DICER1: variants seen among roughly 807,000 people sequenced by gnomAD.
DICER1 encodes the protein endoribonuclease Dicer.
In DICER1, 43 loss-of-function variants were observed where a neutral mutation model predicts 194.1. The ratio of observed to expected loss-of-function variants is 0.22; its 90% CI spans 0.17 to 0.29. The LOEUF (loss-of-function observed/expected upper bound fraction) is 0.29. Ranked by LOEUF, DICER1 falls within the 10% of genes least tolerant of loss-of-function variation. The pLI is 1.00. For missense variants in DICER1, 1,608 were observed against 2,317.0 expected, an observed-to-expected ratio of 0.69 and a Z score of 6.28; for synonymous variants, 832 against 820.5, an observed-to-expected ratio of 1.01 and a Z score of -0.24.
chr14:95,129,171 G>GA (rs1893732662), intron 6 of DICER1: 31 of 331,942 alleles, frequency 9.3e-5, no homozygotes, highest in East Asian at 2.9e-4. Flanking sequence ...CATATTGACA[G>GA]AAAAAAAATA....
At chr14:95,111,580 T>C in intron 13 of DICER1, 124 bp from the exon 14 acceptor site, 1 of 1,071,492 alleles carries the variant, frequency 9.3e-7, no homozygotes, top group Non-Finnish European at 1.4e-6. Context: ...ACCTTTGCCT[T>C]TTACAATTTA....
chr14:95,133,027 T>C (rs892632567), intron 2 of DICER1, among the ~76,000 whole-genome samples: 1 of 152,124 alleles, frequency 6.6e-6, no homozygotes, highest in African/African-American at 2.4e-5. Flanking sequence ...CTAATCTAGG[T>C]TCCTACCCAG....
intron 1 of DICER1, among the ~76,000 whole-genome samples, chr14:95,146,383 C>CT (rs1251179637): frequency 2.6e-5 from 4 of 152,082 alleles, no homozygotes; most frequent in Admixed American, 6.5e-5. Context: ...GTGCTTTTAA[C>CT]TTTTTTTTGC....
chr14:95,090,350 G>C lies in DICER1; in HGVS notation c.*148C>G. The stretch of plus-strand genomic sequence containing the variant: ...ATACATATGTTAAATGTTTTATTCT[G>C]TTATCTATCCTGTTATCAACCAAAC... On this transcript the variant is annotated 3_prime_UTR_variant, in exon 27 of 27. Coordinates refer to ENST00000343455, the MANE Select transcript of DICER1 (RefSeq NM_177438.3). 1.2e-6 allele frequency: 1 copy of C among 856,612 alleles called. No individual in the cohort carries two copies. The highest frequency in any genetic ancestry group is 1.9e-6 in the Non-Finnish European group (1 of 539,928). 53.1% of individuals were successfully genotyped at this position (856,612 alleles called of 1,614,324 possible). A position where few individuals can be genotyped will look rare whatever the true frequency, so the allele number is the denominator to read the frequency against.
rs949269719 is a variant in DICER1 at position 95,088,463 on chromosome 14, C to G, written c.*2035G>C. The G allele has an allele frequency of 1.3e-5, 3 of 232,374 alleles. No homozygotes were observed. The highest frequency in any genetic ancestry group is 2.6e-5 in the Non-Finnish European group (3 of 117,412). The allele number at this position is 232,374 out of a possible 1,614,324, so 14.4% of individuals were successfully genotyped here. A position where few individuals can be genotyped will look rare whatever the true frequency, so the allele number is the denominator to read the frequency against. On this transcript the variant is annotated 3_prime_UTR_variant, in exon 27 of 27. Coordinates refer to ENST00000343455, the MANE Select transcript of DICER1 (RefSeq NM_177438.3). Reference sequence around the variant, plus strand: ...TGTGATTAAACTTGATCACAAATCACCCTCAGAATAAAATTCACATCCAGC... The same window carrying G: ...TGTGATTAAACTTGATCACAAATCAGCCTCAGAATAAAATTCACATCCAGC...
At position 95,131,626 on chromosome 14, in the gene DICER1, A is replaced by G. The variant is rs1595463300; in HGVS notation, c.321T>C (p.Ala107=). 1 of 1,613,976 alleles carries G rather than the reference A, an allele frequency of 6.2e-7. No homozygotes were observed. ...GAGTTCTGACAGCTGACACTTGTTGAGCAACCTGGTTTGCTAATTACAAAT... is the reference window on the plus strand; with the variant it reads ...GAGTTCTGACAGCTGACACTTGTTGGGCAACCTGGTTTGCTAATTACAAAT... ...VFLVNSANQV[A]QQVSAVRTHS... Residue 107 remains alanine, a synonymous_variant, in exon 4 of 27, where the codon GCT becomes GCC. Transcript: ENST00000343455.
intron 23 of DICER1, chr14:95,095,620 C>G (rs1178478465): frequency 1.6e-6 from 1 of 632,144 alleles, no homozygotes; most frequent in Non-Finnish European, 2.8e-6. Context: ...TAGCCATACT[C>G]CCAACAACCA....
At position 95,093,954 on chromosome 14, in the gene DICER1, G is replaced by A; in HGVS notation, c.5298C>T (p.Phe1766=). 6.2e-7 allele frequency: 1 copy of A among 1,614,150 alleles called. No homozygotes were observed. The highest frequency in any genetic ancestry group is 1.3e-5 in the African/African-American group (1 of 75,050). The change falls in exon 24 of 27, where the codon TTC becomes TTT. Residue 1766 remains phenylalanine (F), a synonymous_variant. Transcript: ENST00000343455. ...ACTGCACAAAGTCATCAATGACATGGAAGAGCTCAGGAGAGACAGCTTTGA... is the reference window on the plus strand; with the variant it reads ...ACTGCACAAAGTCATCAATGACATGAAAGAGCTCAGGAGAGACAGCTTTGA... ...KYFKAVSPEL[F]HVIDDFVQFQ...
chr14:95,122,546 C>T (rs1332845207), intron 8 of DICER1, among the ~76,000 whole-genome samples: 1 of 152,104 alleles, frequency 6.6e-6, no homozygotes, highest in African/African-American at 2.4e-5. Flanking sequence ...TCTGTGATGC[C>T]CAGGGGCATT....
chr14:95,112,749 A>G (rs1005466745), intron 12 of DICER1, among the ~76,000 whole-genome samples: 9 of 152,224 alleles, frequency 5.9e-5, no homozygotes, highest in Admixed American at 5.9e-4. Flanking sequence ...ATATTACTCT[A>G]AGTGTCTAAG....
At chr14:95,128,544 A>G (rs1018342004) in intron 6 of DICER1, among the ~76,000 whole-genome samples, 3 of 152,230 alleles carry the variant, frequency 2.0e-5, no homozygotes, top group Non-Finnish European at 4.4e-5. Flanking sequence ...CACTCTCCAA[A>G]GAAAATTTTC....
At chr14:95,147,093 T>C (rs866050503) in intron 1 of DICER1, among the ~76,000 whole-genome samples, 1 of 152,224 alleles carries the variant, frequency 6.6e-6, no homozygotes, top group Non-Finnish European at 1.5e-5. Flanking sequence ...GAATTGGGAA[T>C]TGGAAAACAA....
At chr14:95,090,992 GT>G in intron 26 of DICER1, 41 bp downstream of exon 26, 1 of 1,545,872 alleles carries the variant, frequency 6.5e-7, no homozygotes, top group South Asian at 1.1e-5. Context: ...CCCCTTTGAT[GT>G]TTTTAAGTTA....
chr14:95,126,952 T>C (rs1037180412), intron 6 of DICER1, among the ~76,000 whole-genome samples: 5 of 152,250 alleles, frequency 3.3e-5, no homozygotes, highest in Admixed American at 1.3e-4. Context: ...AAATAATGTA[T>C]TTTATAAACC....
chr14:95,154,111 A>G (rs1347933184), intron 1 of DICER1, among the ~76,000 whole-genome samples: 1 of 152,230 alleles, frequency 6.6e-6, no homozygotes, highest in African/African-American at 2.4e-5. Context: ...CTGGCATTCA[A>G]TAAAGCACAT....
Position 95,113,228 on chromosome 14 carries a change from T to C in DICER1, c.1908-4A>G, listed in dbSNP as rs112284114. The C allele has an allele frequency of 2.2e-4, 347 of 1,613,598 alleles. No homozygotes were observed. In the African/African-American group the frequency reaches 3.8e-3, roughly 18 times the overall value. On this transcript the variant is annotated splice_polypyrimidine_tract_variant and splice_region_variant and intron_variant, in intron 11 of 26. Coordinates refer to ENST00000343455, the MANE Select transcript of DICER1 (RefSeq NM_177438.3). ...ACTTGGTAATCTAGCACAGTATCTG[T>C]GAAGAAAAAGAAATTCTGAGGCTGA...
chr14:95,131,470 G>A (rs1334864857), intron 4 of DICER1, 39 bp downstream of exon 4: 3 of 1,595,772 alleles, frequency 1.9e-6, no homozygotes, highest in Non-Finnish European at 2.6e-6. Context: ...TCAAGAACTT[G>A]TAGGGATTTA....
chr14:95,126,836 AGGG>A, intron 6 of DICER1, 88 bp from the exon 7 acceptor site: 2 of 679,504 alleles, frequency 2.9e-6, no homozygotes, highest in African/African-American at 1.9e-5. Context: ...AAAAAAAAAA[AGGG>A]AATAGATACT....
chr14:95,138,913 C>T (rs1234258111), intron 1 of DICER1, among the ~76,000 whole-genome samples: 1 of 142,972 alleles, frequency 7.0e-6, no homozygotes, highest in Non-Finnish European at 1.5e-5. Context: ...CACATGTATA[C>T]ATATGTAACT....
Sources: allele counts gnomAD v4.1 joint callset (sites outside exome capture counted in the v4.1 genomes callset), GRCh38; gene constraint gnomAD v4.1.1; transcripts MANE v1.5; gene names NCBI Gene and HGNC (gene_info 2026-07-23, HGNC 2026-07-21).